The following USH2A variants were observed in gnomAD, a reference collection of about 807,000 sequenced individuals.
USH2A encodes the protein usherin.
Under a neutral mutation model 538.9 loss-of-function variants are expected in USH2A, and 443 were observed. The observed-to-expected ratio is 0.82, with a 90% confidence interval of 0.76 to 0.89. The LOEUF (loss-of-function observed/expected upper bound fraction) is 0.89. Among genes scored for constraint, USH2A ranks in the 40% least tolerant of loss-of-function variants. USH2A has a pLI of 0.00. For missense variants in USH2A, 6,633 were observed against 6,324.8 expected, an observed-to-expected ratio of 1.05 and a Z score of -1.65; for synonymous variants, 2,413 against 2,273.5, an observed-to-expected ratio of 1.06 and a Z score of -1.75.
At chr1:215,902,684 G>C (rs1171097500) in intron 38 of USH2A, among the ~76,000 whole-genome samples, 1 of 152,114 alleles carries the variant, frequency 6.6e-6, no homozygotes, top group Non-Finnish European at 1.5e-5. Flanking sequence ...AAGATTATAG[G>C]AAGAAAATGC....
intron 45 of USH2A, among the ~76,000 whole-genome samples, chr1:215,844,739 T>C (rs1438727795): frequency 6.6e-6 from 1 of 152,204 alleles, no homozygotes; most frequent in Non-Finnish European, 1.5e-5. Flanking sequence ...CAATACTATG[T>C]GACCAGTGGG....
intron 47 of USH2A, among the ~76,000 whole-genome samples, chr1:215,819,332 G>A (rs1333767639): frequency 6.6e-6 from 1 of 151,642 alleles, no homozygotes; most frequent in African/African-American, 2.4e-5. Context: ...TCACATATTA[G>A]GAATTCAATG....
intron 4 of USH2A, among the ~76,000 whole-genome samples, chr1:216,335,030 C>T (rs2037942349): frequency 6.6e-6 from 1 of 151,660 alleles, no homozygotes; most frequent in Non-Finnish European, 1.5e-5. Flanking sequence ...GTACATTCTC[C>T]AGGATAGATT....
At chr1:216,274,719 G>A (rs1423845229) in intron 11 of USH2A, among the ~76,000 whole-genome samples, 1 of 151,484 alleles carries the variant, frequency 6.6e-6, no homozygotes, top group African/African-American at 2.4e-5. Flanking sequence ...TTATCATCTT[G>A]CTCAGCTGTC....
At chr1:215,752,812 G>T (rs994117308) in intron 58 of USH2A, among the ~76,000 whole-genome samples, 1 of 152,094 alleles carries the variant, frequency 6.6e-6, no homozygotes, top group Non-Finnish European at 1.5e-5. Context: ...TGACAAATGG[G>T]ATCTAATTAA....
chr1:216,280,053 C>A (rs1044985557), intron 11 of USH2A, among the ~76,000 whole-genome samples: 1 of 151,742 alleles, frequency 6.6e-6, no homozygotes, highest in Non-Finnish European at 1.5e-5. Flanking sequence ...GATTCACAGA[C>A]CCTTCTCCAG....
At chr1:215,985,675 G>T (rs1157532835) in intron 35 of USH2A, among the ~76,000 whole-genome samples, 1 of 152,004 alleles carries the variant, frequency 6.6e-6, no homozygotes, top group African/African-American at 2.4e-5. Flanking sequence ...TGCATGCATA[G>T]AATATTTAAT....
At chr1:216,370,286 G>A (rs148336571) in intron 3 of USH2A, among the ~76,000 whole-genome samples, 1,676 of 151,958 alleles carry the variant, frequency 0.011, 34 homozygotes, top group African/African-American at 0.039. Context: ...ACTTGAACCG[G>A]GGAGGTGGAG....
At chr1:216,144,911 G>A (rs2033665874) in intron 21 of USH2A, among the ~76,000 whole-genome samples, 1 of 151,988 alleles carries the variant, frequency 6.6e-6, no homozygotes, top group African/African-American at 2.4e-5. Flanking sequence ...AAAAATCTCT[G>A]GTTGCATATT....
rs770394440 is a variant in USH2A, at chr1:216,175,317, C to T, written c.4562G>A (p.Arg1521His). The T allele has an allele frequency of 2.7e-5, 44 of 1,613,624 alleles. No individual in the cohort carries two copies. Among genetic ancestry groups the T allele is most frequent in the East Asian group, 6.7e-5 (3 of 44,800 alleles). ...TTTACAATACCCATTTCCTATGAAA[C>T]GGATTCCTTTCATCATCGTGGTCAT... ...ALMTTMMKGI[R>H]FIGNGYCKFP... The change falls in exon 21 of 72, where the codon CGT becomes CAT. Residue 1521 changes from arginine to histidine, a missense_variant. By Grantham distance (29) the Arg-to-His change is conservative. Transcript: ENST00000307340.
At chr1:215,627,622 T>G (rs1289696493) in intron 71 of USH2A, among the ~76,000 whole-genome samples, 1 of 151,778 alleles carries the variant, frequency 6.6e-6, no homozygotes, top group Non-Finnish European at 1.5e-5. Context: ...ACCTCCCAGG[T>G]TCAAGCAATT....
intron 32 of USH2A, among the ~76,000 whole-genome samples, chr1:216,008,824 C>T (rs999049845): frequency 3.3e-5 from 5 of 152,136 alleles, no homozygotes; most frequent in Non-Finnish European, 7.3e-5. Context: ...CTGGTAAAGA[C>T]AAAGGAGACA....
At chr1:215,963,875 G>A (rs900878911) in intron 37 of USH2A, among the ~76,000 whole-genome samples, 9 of 152,018 alleles carry the variant, frequency 5.9e-5, no homozygotes, top group Admixed American at 2.0e-4. Context: ...ACCATGAACC[G>A]ATAAATTCCA....
At chr1:215,788,032 T>C (rs1011432439) in intron 51 of USH2A, among the ~76,000 whole-genome samples, 1 of 151,950 alleles carries the variant, frequency 6.6e-6, no homozygotes, top group African/African-American at 2.4e-5. Context: ...TATATATATA[T>C]GTGTGTGTGT....
At chr1:215,650,906 C>T in intron 64 of USH2A, 105 bp from the exon 65 acceptor site, 1 of 1,212,498 alleles carries the variant, frequency 8.2e-7, no homozygotes, top group Non-Finnish European at 1.2e-6. Context: ...CCAAAAGCAA[C>T]TAAACACAAC....
At chr1:216,027,696 A>G (rs1669002799) in intron 32 of USH2A, among the ~76,000 whole-genome samples, 1 of 152,190 alleles carries the variant, frequency 6.6e-6, no homozygotes, top group Admixed American at 6.5e-5. Flanking sequence ...CTAGTTCACA[A>G]TATTAGACAG....
intron 4 of USH2A, among the ~76,000 whole-genome samples, chr1:216,348,025 C>T (rs2038212815): frequency 6.6e-6 from 1 of 152,052 alleles, no homozygotes; most frequent in South Asian, 2.1e-4. Context: ...TAAAATGTTG[C>T]TGATCCTTTG....
At chr1:216,153,706 T>C (rs2033885313) in intron 21 of USH2A, among the ~76,000 whole-genome samples, 1 of 152,140 alleles carries the variant, frequency 6.6e-6, no homozygotes, top group African/African-American at 2.4e-5. Context: ...ATGCTGCATA[T>C]TAGATATAAG....
At chr1:215,822,787 C>T (rs763843432) in intron 47 of USH2A, among the ~76,000 whole-genome samples, 8 of 151,718 alleles carry the variant, frequency 5.3e-5, no homozygotes, top group African/African-American at 1.2e-4. Context: ...ATGTATGCAC[C>T]TTCTATATCC....
Sources: allele counts gnomAD v4.1 joint callset (sites outside exome capture counted in the v4.1 genomes callset), GRCh38; gene constraint gnomAD v4.1.1; transcripts MANE v1.5; gene names NCBI Gene and HGNC (gene_info 2026-07-23, HGNC 2026-07-21).